The following TRIM75 variants were observed in gnomAD, a reference collection of about 807,000 sequenced individuals.
The protein encoded by TRIM75 is tripartite motif-containing protein 75.
the TRIM75 span, among the ~76,000 whole-genome samples, chr4:165,056,477 T>C: frequency 2.4e-4 from 37 of 152,152 alleles, no homozygotes; most frequent in African/African-American, 7.0e-4. Flanking sequence ...AGTGTGTTTT[T>C]ATTACTGAGG....
the TRIM75 span, chr4:165,059,863 A>G: frequency 1.3e-6 from 1 of 780,546 alleles, no homozygotes; most frequent in Non-Finnish European, 2.4e-6. Context: ...AAGGTAGTAG[A>G]GCTCAGTGAG....
chr4:165,056,423 C>A, the TRIM75 span, among the ~76,000 whole-genome samples: 8 of 151,698 alleles, frequency 5.3e-5, no homozygotes, highest in Non-Finnish European at 1.0e-4. Context: ...TTCACTAGAT[C>A]CTGGGAGTAA....
At chr4:165,060,318 G>A in the TRIM75 span, 1 of 780,854 alleles carries the variant, frequency 1.3e-6, no homozygotes, top group Non-Finnish European at 2.4e-6. Context: ...TGAGCTGCAA[G>A]ATGATGGCTA....
chr4:165,060,041 A>G, the TRIM75 span: 1 of 776,426 alleles, frequency 1.3e-6, no homozygotes, highest in Admixed American at 1.7e-5. Flanking sequence ...AAATAATTCT[A>G]GACCCTGAAA....
At chr4:165,056,194 A>G in the TRIM75 span, among the ~76,000 whole-genome samples, 1 of 152,154 alleles carries the variant, frequency 6.6e-6, no homozygotes, top group South Asian at 2.1e-4. Context: ...GAGGTGGCTC[A>G]CACCTGTAAT....
chr4:165,059,483 G>A, the TRIM75 span: 1 of 780,946 alleles, frequency 1.3e-6, no homozygotes, highest in East Asian at 2.4e-5. Flanking sequence ...AGGAGGACCT[G>A]ATGGTGTTGT....
the TRIM75 span, among the ~76,000 whole-genome samples, chr4:165,056,011 G>A: frequency 6.6e-6 from 1 of 151,616 alleles, no homozygotes; most frequent in African/African-American, 2.4e-5. Flanking sequence ...TGCCTCCTGG[G>A]TTCAAGCGAC....
the TRIM75 span, among the ~76,000 whole-genome samples, chr4:165,056,242 T>C: frequency 2.0e-5 from 3 of 152,044 alleles, no homozygotes; most frequent in Admixed American, 2.0e-4. Context: ...AAGATCAGCC[T>C]GGGCAATACA....
At chr4:165,054,953 G>A in the TRIM75 span, among the ~76,000 whole-genome samples, 4 of 152,016 alleles carry the variant, frequency 2.6e-5, no homozygotes, top group Non-Finnish European at 5.9e-5. Flanking sequence ...TTGGGGGTGG[G>A]GTGGAGGGTT....
At chr4:165,057,544 T>G in the TRIM75 span, among the ~76,000 whole-genome samples, 2 of 152,192 alleles carry the variant, frequency 1.3e-5, no homozygotes, top group African/African-American at 4.8e-5. Context: ...TGTTTTTTGT[T>G]TGTGTGCTTT....
chr4:165,055,679 A>G, the TRIM75 span, among the ~76,000 whole-genome samples: 31 of 152,204 alleles, frequency 2.0e-4, no homozygotes, highest in African/African-American at 7.5e-4. Flanking sequence ...AAAGAGAAGG[A>G]GCTAAGGAAA....
the TRIM75 span, chr4:165,059,622 C>CA: frequency 1.3e-6 from 1 of 780,850 alleles, no homozygotes; most frequent in South Asian, 1.3e-5. Flanking sequence ...GGCAGACCTC[C>CA]AAAAATTAAT....
At chr4:165,059,250 T>C in the TRIM75 span, 1 of 780,506 alleles carries the variant, frequency 1.3e-6, no homozygotes, top group Non-Finnish European at 2.4e-6. Context: ...TGGGCACAAC[T>C]TCTGTCGTTC....
At chr4:165,055,746 C>CCTCAGGGCG in the TRIM75 span, among the ~76,000 whole-genome samples, 2 of 152,078 alleles carry the variant, frequency 1.3e-5, no homozygotes, top group Non-Finnish European at 2.9e-5. Flanking sequence ...TCCAGAGATG[C>CCTCAGGGCG]CTCAGGGCGA....
At chr4:165,060,110 A>T in the TRIM75 span, 4 of 780,958 alleles carry the variant, frequency 5.1e-6, no homozygotes, top group Admixed American at 6.8e-5. Context: ...TTACAAAGAG[A>T]AAACAAAAGG....
the TRIM75 span, among the ~76,000 whole-genome samples, chr4:165,055,766 C>A: frequency 6.6e-6 from 1 of 152,116 alleles, no homozygotes. Flanking sequence ...AGAGAATGCA[C>A]TCTGCTCCAG....
chr4:165,056,873 T>C, the TRIM75 span, among the ~76,000 whole-genome samples: 1 of 152,200 alleles, frequency 6.6e-6, no homozygotes, highest in African/African-American at 2.4e-5. Context: ...CGCCTTGGCC[T>C]CCCAAAGTGC....
the TRIM75 span, among the ~76,000 whole-genome samples, chr4:165,056,522 C>T: frequency 4.6e-5 from 7 of 151,180 alleles, no homozygotes; most frequent in East Asian, 1.9e-4. Context: ...AGAGTGTTTC[C>T]GAAACCTTTC....
chr4:165,060,141 T>C, the TRIM75 span: 2 of 780,832 alleles, frequency 2.6e-6, no homozygotes, highest in African/African-American at 3.4e-5. Flanking sequence ...CCCAAAAAGA[T>C]TTACAGTCAA....
Sources: gnomAD v4.1 joint callset for allele counts (sites outside exome capture counted in the v4.1 genomes callset) on GRCh38, gnomAD v4.1.1 for gene constraint, MANE v1.5 for transcripts, NCBI Gene and HGNC (gene_info 2026-07-23, HGNC 2026-07-21) for gene names.